The following NGEF variants were observed in gnomAD, a reference collection of about 807,000 sequenced individuals.
NGEF encodes ephexin-1.
Under a neutral mutation model 80.9 loss-of-function variants are expected in NGEF, and 31 were observed. The observed-to-expected ratio is 0.38, with a 90% CI of 0.29 to 0.52. The LOEUF is 0.52. Ranked by LOEUF, NGEF falls within the 20% of genes least tolerant of loss-of-function variation. NGEF has a pLI of 0.84. For missense variants in NGEF, 709 were observed against 926.2 expected (o/e 0.77, Z 3.04); for synonymous variants, 371 against 370.2 (o/e 1.00, Z -0.03).
intron 13 of NGEF, 84 bp from the exon 14 acceptor site, chr2:232,881,334 C>T (rs1239096809): frequency 6.7e-6 from 7 of 1,047,584 alleles, no homozygotes; most frequent in Non-Finnish European, 1.0e-5. Flanking sequence ...TGAGCCCTGC[C>T]TAGAATAGGA....
chr2:232,967,785 C>T (rs1429552722), intron 3 of NGEF, among the ~76,000 whole-genome samples: 1 of 151,900 alleles, frequency 6.6e-6, no homozygotes, highest in Non-Finnish European at 1.5e-5. Context: ...GTTGCCTCCC[C>T]ACCTTGTCCT....
At chr2:232,950,622 A>T (rs1157131502) in intron 3 of NGEF, among the ~76,000 whole-genome samples, 16 of 152,330 alleles carry the variant, frequency 1.1e-4, no homozygotes, top group African/African-American at 3.6e-4. Context: ...TTTTCCAGAA[A>T]AGGCTACCAA....
intron 3 of NGEF, among the ~76,000 whole-genome samples, chr2:232,929,118 C>T (rs13386708): frequency 0.017 from 2,631 of 152,346 alleles, 70 homozygotes; most frequent in African/African-American, 0.059. Flanking sequence ...CGGCCTGCGC[C>T]TGCAGCCGGG....
At chr2:232,989,064 G>A (rs6717097) in intron 1 of NGEF, among the ~76,000 whole-genome samples, 130,887 of 152,184 alleles carry the variant, frequency 0.86, 56,383 homozygotes, top group East Asian at 0.99. Flanking sequence ...CTGAAATAAG[G>A]TTAAATTAGA....
chr2:232,896,708 G>T (rs1194718540), intron 5 of NGEF, among the ~76,000 whole-genome samples: 1 of 57,644 alleles, frequency 1.7e-5, no homozygotes, highest in Non-Finnish European at 3.4e-5. Flanking sequence ...GTAGGGGTGG[G>T]GGTAGGGGTG....
At position 232,879,307 on chromosome 2, in the gene NGEF, T is replaced by G. The variant is rs1691405472; in HGVS notation, c.*182A>C. On this transcript the variant is annotated 3_prime_UTR_variant, in exon 15 of 15. Transcript: ENST00000264051. ...GAGGCTTGGGCACCCTTTATCCAGTTTGCGAGCAAGGGGCCAAGACACATG... is the reference window on the plus strand; with the variant it reads ...GAGGCTTGGGCACCCTTTATCCAGTGTGCGAGCAAGGGGCCAAGACACATG... 1.7e-6 allele frequency: 1 copy of G among 598,036 alleles called. No individual in the cohort carries two copies. The highest frequency in any genetic ancestry group is 2.9e-6 in the Non-Finnish European group (1 of 343,180). The allele number at this position is 598,036 out of a possible 1,614,324, so 37.0% of individuals were successfully genotyped here. A position where few individuals can be genotyped will look rare whatever the true frequency, so the allele number is the denominator to read the frequency against.
At chr2:232,923,313 A>G (rs149570230) in intron 4 of NGEF, among the ~76,000 whole-genome samples, 1 of 152,174 alleles carries the variant, frequency 6.6e-6, no homozygotes, top group Admixed American at 6.5e-5. Context: ...AAGTCACCCC[A>G]TGGCAGACGC....
At position 232,900,519 on chromosome 2, in the gene NGEF, T is replaced by TAC. The variant is rs767741632; in HGVS notation, c.829-5604_829-5603insGT. On this transcript the variant is annotated intron_variant, in intron 5 of 14. Coordinates refer to ENST00000264051, the MANE Select transcript of NGEF (RefSeq NM_019850.3). ...ATATACACGTTCACTCACATTCACT[T>TAC]AGACACATGCTCTCACAGTCACTCA... 2.7e-3 allele frequency among the ~76,000 whole-genome samples: 179 copies of TAC among 66,254 alleles called. 27 individuals are homozygous for TAC. The highest frequency in any genetic ancestry group is 3.5e-3 in the African/African-American group (52 of 14,912). The allele number at this position is 66,254 out of a possible 152,430, so 43.5% of individuals were successfully genotyped here. A position where few individuals can be genotyped will look rare whatever the true frequency, so the allele number is the denominator to read the frequency against.
intron 1 of NGEF, among the ~76,000 whole-genome samples, chr2:233,006,216 CA>C (rs2106346430): frequency 6.6e-6 from 1 of 152,280 alleles, no homozygotes; most frequent in East Asian, 1.9e-4. Flanking sequence ...TTGGGTTCAC[CA>C]TTATTGAGTT....
rs533834987 is a variant in NGEF, at chr2:232,966,059, G to T, written c.383+4155C>A. Among the ~76,000 whole-genome samples the T allele has an allele frequency of 1.4e-4, 21 of 152,288 alleles. No individual in the cohort carries two copies. The East Asian group carries it at 1.9e-3, about 14-fold the overall frequency. On this transcript the variant is annotated intron_variant, in intron 3 of 14. Transcript: ENST00000264051. The stretch of plus-strand genomic sequence containing the variant: ...AAGTTATAAGCAAATGGTCTCTTTC[G>T]CTGGGTATTAAAGAGAGCAGCCCAA...
chr2:233,005,592 C>G (rs915753590), intron 1 of NGEF, among the ~76,000 whole-genome samples: 2 of 152,132 alleles, frequency 1.3e-5, no homozygotes, highest in Admixed American at 6.6e-5. Context: ...GCAGAAGAGT[C>G]AGAGAGAGGT....
rs184687490 is a variant in NGEF at position 232,996,841 on chromosome 2, A to G, written c.-75+16227T>C. Among the ~76,000 whole-genome samples, 351 of 152,270 alleles carry G rather than the reference A, an allele frequency of 2.3e-3. 4 individuals carry two copies. Among genetic ancestry groups the G allele is most frequent in the East Asian group, 0.021 (109 of 5,188 alleles). Reference sequence around the variant, plus strand: ...TAAAAGATTTTTTTAAAATTTTAGCAGGATACATAAAGAGCCCATGTTAAG... The same window carrying G: ...TAAAAGATTTTTTTAAAATTTTAGCGGGATACATAAAGAGCCCATGTTAAG... On this transcript the variant is annotated intron_variant, in intron 1 of 14. Coordinates refer to ENST00000264051, the MANE Select transcript of NGEF (RefSeq NM_019850.3).
chr2:232,921,721 CCT>C (rs555218172), intron 4 of NGEF, among the ~76,000 whole-genome samples: 70 of 151,502 alleles, frequency 4.6e-4, no homozygotes, highest in South Asian at 4.2e-4. Flanking sequence ...GTCTTGAATA[CCT>C]CTCCCTTCAG....
At chr2:232,993,140 T>TAAATAA (rs1694689250) in intron 1 of NGEF, among the ~76,000 whole-genome samples, 3 of 40,698 alleles carry the variant, frequency 7.4e-5, no homozygotes, top group East Asian at 3.2e-3. Context: ...TATTTATTTA[T>TAAATAA]ATATATATGG....
At chr2:232,949,657 T>A (rs968157465) in intron 3 of NGEF, among the ~76,000 whole-genome samples, 2 of 148,794 alleles carry the variant, frequency 1.3e-5, no homozygotes, top group East Asian at 4.0e-4. Flanking sequence ...TTGTATTTTT[T>A]AAGTAGAGAT....
At chr2:232,904,373 C>T (rs1318651505) in intron 5 of NGEF, among the ~76,000 whole-genome samples, 1 of 152,102 alleles carries the variant, frequency 6.6e-6, no homozygotes, top group Admixed American at 6.5e-5. Flanking sequence ...GAACTACAGG[C>T]ATGTGCCACC....
intron 1 of NGEF, among the ~76,000 whole-genome samples, chr2:232,999,203 G>C (rs1481816417): frequency 6.6e-6 from 1 of 152,136 alleles, no homozygotes. Flanking sequence ...ATCCTCCCAG[G>C]CTGCCCTTTT....
At chr2:232,974,529 C>T (rs6748986) in intron 2 of NGEF, 94 bp downstream of exon 2, 175,561 of 1,410,274 alleles carry the variant, frequency 0.12, 12,435 homozygotes, top group African/African-American at 0.3. Flanking sequence ...TTTTCAATGC[C>T]ACTTATCCTT....
chr2:233,000,988 G>A (rs1694965542), intron 1 of NGEF, among the ~76,000 whole-genome samples: 2 of 152,140 alleles, frequency 1.3e-5, no homozygotes, highest in Non-Finnish European at 2.9e-5. Flanking sequence ...TGTACCAGAG[G>A]CAGCCATCTC....
Sources: allele counts gnomAD v4.1 joint callset (sites outside exome capture counted in the v4.1 genomes callset), GRCh38; gene constraint gnomAD v4.1.1; transcripts MANE v1.5; gene names NCBI Gene and HGNC (gene_info 2026-07-23, HGNC 2026-07-21).